Variants in ATP13A3 observed in about 807,000 individuals in gnomAD.
The protein encoded by ATP13A3 is ATPase 13A3.
A neutral mutation model predicts 158.1 loss-of-function variants in ATP13A3; 59 were observed. The observed-to-expected ratio is 0.37, with a 90% CI of 0.30 to 0.46. The LOEUF (loss-of-function observed/expected upper bound fraction) is 0.46, where lower values mean the gene tolerates loss of function less well. Among genes scored for constraint, ATP13A3 ranks in the 20% least tolerant of loss-of-function variants. ATP13A3 has a pLI of 1.00. For missense variants in ATP13A3, 1,166 were observed against 1,525.2 expected, an observed-to-expected ratio of 0.76 and a Z score of 3.92; for synonymous variants, 491 against 504.3, an observed-to-expected ratio of 0.97 and a Z score of 0.35.
intron 30 of ATP13A3, among the ~76,000 whole-genome samples, chr3:194,420,714 G>C (rs1248047862): frequency 6.6e-6 from 1 of 150,564 alleles, no homozygotes; most frequent in Non-Finnish European, 1.5e-5. Context: ...TCTTAAGTGT[G>C]TACATCTACA....
chr3:194,427,768 T>C (rs1416092036), intron 28 of ATP13A3, among the ~76,000 whole-genome samples: 2 of 152,024 alleles, frequency 1.3e-5, no homozygotes, highest in Non-Finnish European at 2.9e-5. Context: ...GGCCATTATA[T>C]TCTGAATCTT....
At chr3:194,487,505 A>T (rs1052582854), upstream of ATP13A3, 3 of 152,378 alleles carry the variant, frequency 2.0e-5, no homozygotes, top group East Asian at 3.9e-4. Flanking sequence ...TCATTCTCAT[A>T]TGACCACGGA....
intron 2 of ATP13A3, among the ~76,000 whole-genome samples, chr3:194,479,315 CAAGT>C (rs1343113107): frequency 6.6e-6 from 1 of 152,150 alleles, no homozygotes; most frequent in Non-Finnish European, 1.5e-5. Context: ...TCTAGTCTTT[CAAGT>C]AAGTGCTACA....
At chr3:194,420,645 A>G (rs917752069) in intron 30 of ATP13A3, among the ~76,000 whole-genome samples, 3 of 152,130 alleles carry the variant, frequency 2.0e-5, no homozygotes, top group African/African-American at 7.2e-5. Context: ...AAATCCACCC[A>G]GCAGTACTTT....
At chr3:194,442,149 T>C (rs1010854545) in intron 15 of ATP13A3, among the ~76,000 whole-genome samples, 3 of 152,208 alleles carry the variant, frequency 2.0e-5, no homozygotes, top group East Asian at 1.9e-4. Flanking sequence ...TATGACACCG[T>C]TGATTACCAC....
At chr3:194,477,949 C>T (rs537783376) in intron 2 of ATP13A3, among the ~76,000 whole-genome samples, 45 of 152,300 alleles carry the variant, frequency 3.0e-4, no homozygotes, top group African/African-American at 1.1e-3. Context: ...AATTCTTCAG[C>T]AGACAGAAAG....
chr3:194,433,827 G>A lies in ATP13A3; in HGVS notation c.2190C>T (p.Thr730=), dbSNP rs1346838292. 3.1e-6 allele frequency: 5 copies of A among 1,613,796 alleles called. No individual in the cohort carries two copies. The African/African-American group carries it at 5.3e-5, about 17-fold the overall frequency. ...TATGCAAATCTTCAAGTACTGCAGG[G>A]GTTTCTTGCTTTAATTTGTTCTGCA... ...IIMQNKLKQE[T]PAVLEDLHKA... Residue 730 remains threonine, a synonymous_variant, in exon 21 of 34, where the codon ACC becomes ACT. Transcript: ENST00000645319.
chr3:194,430,071 C>T lies in ATP13A3; in HGVS notation c.2777+1G>A, dbSNP rs2108812008. 6.2e-7 allele frequency: 1 copy of T among 1,611,752 alleles called. No individual in the cohort carries two copies. Among genetic ancestry groups the T allele is most frequent in the Non-Finnish European group, 8.5e-7 (1 of 1,178,644 alleles). On this transcript the variant is annotated splice_donor_variant, in intron 26 of 33. Transcript: ENST00000645319. LOFTEE classifies it high-confidence loss of function. Reference sequence around the variant, plus strand: ...ATGAGAAAAATTTTAATTTGTACTACCTGATAAGGTTTGGCACACAGGAAA... The same window carrying T: ...ATGAGAAAAATTTTAATTTGTACTATCTGATAAGGTTTGGCACACAGGAAA...
Position 194,411,410 on chromosome 3 carries a change from T to C in ATP13A3, c.3573+789A>G, listed in dbSNP as rs537923894. Among the ~76,000 whole-genome samples the C allele has an allele frequency of 2.6e-5, 4 of 152,296 alleles. No homozygotes were observed. The South Asian group carries it at 8.3e-4, about 32-fold the overall frequency. Reference sequence around the variant, plus strand: ...AAGGCAATGAAGGGGTGAGATTTTATCAAATTCTCTATGCCTAAAAAGCTG... The same window carrying C: ...AAGGCAATGAAGGGGTGAGATTTTACCAAATTCTCTATGCCTAAAAAGCTG... On this transcript the variant is annotated intron_variant, in intron 33 of 33. Coordinates refer to ENST00000645319, the MANE Select transcript of ATP13A3 (RefSeq NM_001367549.1).
rs2108829926 is a variant in ATP13A3 at position 194,433,790 on chromosome 3, G to A, written c.2227C>T (p.Arg743Cys). 1.9e-6 allele frequency: 3 copies of A among 1,614,028 alleles called. No individual in the cohort carries two copies. The highest frequency in any genetic ancestry group is 2.5e-6 in the Non-Finnish European group (3 of 1,179,984). Residue 743 changes from arginine (R) to cysteine (C), a missense_variant, in exon 21 of 34, where the codon CGC becomes TGC. Transcript: ENST00000645319. Reference protein sequence around the residue: ...VLEDLHKANIRTVMVTGDSML... With the variant: ...VLEDLHKANICTVMVTGDSML... ...GTCTAACCTGTGACCATGACGGTGC[G>A]AATGTTGGCTTTATGCAAATCTTCA...
At chr3:194,457,599 G>T (rs1337807979) in intron 6 of ATP13A3, among the ~76,000 whole-genome samples, 1 of 152,018 alleles carries the variant, frequency 6.6e-6, no homozygotes, top group Non-Finnish European at 1.5e-5. Context: ...CAATTTTAGA[G>T]TCAAATTAAG....
At chr3:194,439,390 T>C (rs896772630) in intron 16 of ATP13A3, among the ~76,000 whole-genome samples, 2 of 152,218 alleles carry the variant, frequency 1.3e-5, no homozygotes, top group Non-Finnish European at 2.9e-5. Flanking sequence ...AGAGCTCAGA[T>C]ATGGTTAGCA....
At chr3:194,479,259 T>G (rs1271580124) in intron 2 of ATP13A3, among the ~76,000 whole-genome samples, 1 of 152,220 alleles carries the variant, frequency 6.6e-6, no homozygotes, top group East Asian at 1.9e-4. Flanking sequence ...CATTTTCATA[T>G]CAAAAAGACC....
chr3:194,427,334 A>C, intron 28 of ATP13A3, 82 bp from the exon 29 acceptor site: 1 of 1,305,888 alleles, frequency 7.7e-7, no homozygotes, highest in Non-Finnish European at 1.0e-6. Flanking sequence ...TCATTTAGGA[A>C]CTTTAAAAAT....
At chr3:194,428,699 A>T in intron 28 of ATP13A3, 146 bp downstream of exon 28, 2 of 538,168 alleles carry the variant, frequency 3.7e-6, no homozygotes, top group South Asian at 6.1e-5. Context: ...CAAGATATAA[A>T]CAACTGGTAA....
intron 31 of ATP13A3, among the ~76,000 whole-genome samples, chr3:194,414,109 C>T (rs1304724128): frequency 6.6e-6 from 1 of 152,086 alleles, no homozygotes; most frequent in African/African-American, 2.4e-5. Context: ...AAAGCCCATG[C>T]TCTACTAGAT....
intron 15 of ATP13A3, among the ~76,000 whole-genome samples, chr3:194,442,604 T>C (rs1718128713): frequency 2.6e-5 from 4 of 151,950 alleles, no homozygotes; most frequent in African/African-American, 7.3e-5. Flanking sequence ...AAGTAAACCA[T>C]GTGTTGTCCA....
chr3:194,411,527 G>A (rs1357626501), intron 33 of ATP13A3, among the ~76,000 whole-genome samples: 1 of 152,150 alleles, frequency 6.6e-6, no homozygotes, highest in East Asian at 1.9e-4. Context: ...CTAACACTAG[G>A]AAATGGGTTT....
chr3:194,421,512 C>T (rs1481332158), intron 30 of ATP13A3, among the ~76,000 whole-genome samples: 3 of 144,860 alleles, frequency 2.1e-5, no homozygotes, highest in South Asian at 4.4e-4. Context: ...GAGATCACGC[C>T]ACTCCACTCT....
Sources: allele counts gnomAD v4.1 joint callset (sites outside exome capture counted in the v4.1 genomes callset), GRCh38; gene constraint gnomAD v4.1.1; transcripts MANE v1.5; gene names NCBI Gene and HGNC (gene_info 2026-07-23, HGNC 2026-07-21).